The following RASAL2 variants were observed in gnomAD, a reference collection of about 807,000 sequenced individuals.
RASAL2 encodes the protein RAS protein activator like 2.
In RASAL2, 58 loss-of-function variants were observed where a neutral mutation model predicts 128.9. That is an observed-to-expected ratio of 0.45 (90% CI 0.36 to 0.56). The LOEUF is 0.56. RASAL2 is among the 20% of genes least tolerant of loss of function. The probability of loss-of-function intolerance (pLI) is 0.00; values close to 1 mark genes in which losing one functional copy is unlikely to be tolerated. For missense variants in RASAL2, 1,360 were observed against 1,601.6 expected (o/e 0.85, Z 2.57); for synonymous variants, 561 against 580.8 (o/e 0.97, Z 0.49).
rs1036895372 is a variant in RASAL2, at chr1:178,314,779, CTTTA to C, written c.457+14677_457+14680del. On this transcript the variant is annotated intron_variant, in intron 3 of 17. Coordinates refer to ENST00000367649, the MANE Select transcript of RASAL2 (RefSeq NM_170692.4). ...TAAAACTAAAAACAGCTTCCTCTCA[CTTTA>C]TTTATTTATTTATTTTTTATTATAC... Among the ~76,000 whole-genome samples, 26 of 152,136 alleles carry C rather than the reference CTTTA, an allele frequency of 1.7e-4. No individual in the cohort carries two copies. The South Asian group carries it at 2.3e-3, about 13-fold the overall frequency.
chr1:178,437,906 A>G (rs1419551372), intron 5 of RASAL2, among the ~76,000 whole-genome samples: 1 of 151,956 alleles, frequency 6.6e-6, no homozygotes, highest in Admixed American at 6.6e-5. Context: ...TAATTTTTAA[A>G]TATTTTAATT....
intron 3 of RASAL2, chr1:178,389,291 A>C: frequency 3.1e-6 from 3 of 981,128 alleles, no homozygotes; most frequent in Non-Finnish European, 3.6e-6. Context: ...TGGCGATGGG[A>C]AGCAGTTGTG....
At chr1:178,133,117 G>T (rs925881029) in intron 1 of RASAL2, among the ~76,000 whole-genome samples, 2 of 152,168 alleles carry the variant, frequency 1.3e-5, no homozygotes, top group African/African-American at 4.8e-5. Flanking sequence ...GCAGGGAAGT[G>T]AAATCCATTA....
chr1:178,373,482 T>C (rs1259740183), intron 3 of RASAL2, among the ~76,000 whole-genome samples: 12 of 151,832 alleles, frequency 7.9e-5, no homozygotes, highest in Admixed American at 7.9e-4. Flanking sequence ...TCCCCTCCCC[T>C]GACACATGCA....
chr1:178,298,960 CA>C (rs1667637640), intron 2 of RASAL2, among the ~76,000 whole-genome samples: 3 of 151,654 alleles, frequency 2.0e-5, no homozygotes, highest in African/African-American at 7.3e-5. Flanking sequence ...TGAACCATCC[CA>C]TTACTCTACA....
intron 3 of RASAL2, among the ~76,000 whole-genome samples, chr1:178,351,957 C>G (rs1370626028): frequency 1.3e-5 from 2 of 152,104 alleles, no homozygotes; most frequent in Admixed American, 1.3e-4. Context: ...GACTGATTTT[C>G]AGTGTGAAAA....
chr1:178,407,250 A>T (rs955739483), intron 4 of RASAL2, among the ~76,000 whole-genome samples: 1 of 152,224 alleles, frequency 6.6e-6, no homozygotes, highest in African/African-American at 2.4e-5. Context: ...ACTTCCAAAT[A>T]ACTGGAAGAT....
At chr1:178,216,788 T>C (rs985765007) in intron 1 of RASAL2, among the ~76,000 whole-genome samples, 2 of 151,706 alleles carry the variant, frequency 1.3e-5, no homozygotes, top group African/African-American at 4.8e-5. Context: ...TACAGGTGTG[T>C]GCCACTGTGC....
chr1:178,470,357 T>G (rs1308933588), intron 17 of RASAL2, among the ~76,000 whole-genome samples: 2 of 152,146 alleles, frequency 1.3e-5, no homozygotes, highest in Admixed American at 6.5e-5. Flanking sequence ...TCTTTTTGAG[T>G]CATTTCATGC....
intron 4 of RASAL2, among the ~76,000 whole-genome samples, chr1:178,412,996 CTCTT>C (rs548534433): frequency 5.6e-4 from 84 of 151,090 alleles, no homozygotes; most frequent in African/African-American, 1.2e-3. Flanking sequence ...TTCTTTCTTT[CTCTT>C]TCTTTCTTTC....
intron 3 of RASAL2, among the ~76,000 whole-genome samples, chr1:178,351,398 C>G (rs545954286): frequency 2.0e-5 from 3 of 152,132 alleles, no homozygotes; most frequent in Admixed American, 6.5e-5. Flanking sequence ...AGGCTAGTCC[C>G]TTTTGCCTAT....
chr1:178,248,413 T>G (rs1234268810), intron 1 of RASAL2, among the ~76,000 whole-genome samples: 1 of 152,146 alleles, frequency 6.6e-6, no homozygotes, highest in Non-Finnish European at 1.5e-5. Context: ...TGCTTTCCAT[T>G]CCCTTTATTT....
At chr1:178,100,675 G>A (rs559404778) in intron 1 of RASAL2, among the ~76,000 whole-genome samples, 18 of 152,272 alleles carry the variant, frequency 1.2e-4, no homozygotes, top group Admixed American at 3.9e-4. Flanking sequence ...TAGTGGTTTC[G>A]GATCCTTTGT....
chr1:178,210,653 A>G (rs1321389826), intron 1 of RASAL2, among the ~76,000 whole-genome samples: 2 of 152,238 alleles, frequency 1.3e-5, no homozygotes, highest in Admixed American at 1.3e-4. Context: ...GATATAACAT[A>G]GTATTATGGT....
At chr1:178,201,385 A>G (rs6682970) in intron 1 of RASAL2, among the ~76,000 whole-genome samples, 39,932 of 152,044 alleles carry the variant, frequency 0.26, 5,966 homozygotes, top group African/African-American at 0.42. Context: ...AGGGTTTAGG[A>G]AGATTGTGAT....
chr1:178,137,569 C>T (rs1346218319), intron 1 of RASAL2, among the ~76,000 whole-genome samples: 1 of 152,142 alleles, frequency 6.6e-6, no homozygotes, highest in Non-Finnish European at 1.5e-5. Flanking sequence ...AGTCTATTGC[C>T]TATGCTTCTG....
At chr1:178,206,546 A>G (rs1366226911) in intron 1 of RASAL2, among the ~76,000 whole-genome samples, 2 of 152,218 alleles carry the variant, frequency 1.3e-5, no homozygotes, top group African/African-American at 4.8e-5. Context: ...AATAGAACTA[A>G]TACTGGGCAT....
At position 178,458,477 on chromosome 1, in the gene RASAL2, A is replaced by G; in HGVS notation, c.3185A>G (p.Gln1062Arg). The G allele has an allele frequency of 3.1e-6, 5 of 1,614,170 alleles. No homozygotes were observed. The highest frequency in any genetic ancestry group is 4.2e-6 in the Non-Finnish European group (5 of 1,180,030). Residue 1062 changes from glutamine to arginine, a missense_variant, in exon 14 of 18, where the codon CAG becomes CGG. Around this residue, in one of 3 missense-constraint regions of RASAL2, gnomAD observed 741 missense variants for 868.6 expected, o/e 0.85. Coordinates refer to ENST00000367649, the MANE Select transcript of RASAL2 (RefSeq NM_170692.4). ...CAGAATGGGAGCCGGTCCCGGCAGC[A>G]GTCCTCTTCCTCCAGAGAGAGCCCT... Reference protein sequence around the residue: ...PVQNGSRSRQQSSSSRESPVP... With the variant: ...PVQNGSRSRQRSSSSRESPVP...
intron 4 of RASAL2, among the ~76,000 whole-genome samples, chr1:178,417,141 C>T (rs147413480): frequency 2.3e-4 from 35 of 152,056 alleles, no homozygotes; most frequent in African/African-American, 3.4e-4. Flanking sequence ...TTACACGTTA[C>T]GCCTTTCGTA....
Sources: allele counts gnomAD v4.1 joint callset (sites outside exome capture counted in the v4.1 genomes callset), GRCh38; gene constraint gnomAD v4.1.1; regional missense constraint gnomAD v4.1.1; transcripts MANE v1.5; gene names NCBI Gene and HGNC (gene_info 2026-07-23, HGNC 2026-07-21).